Variants in KLHL31 observed in about 807,000 individuals in gnomAD.
KLHL31 encodes kelch-like protein 31.
Under a neutral mutation model 47.1 loss-of-function variants are expected in KLHL31, and 32 were observed. That is an observed-to-expected ratio of 0.68 (90% CI 0.51 to 0.91). KLHL31 has a LOEUF of 0.91. Ranked by LOEUF, KLHL31 falls within the 40% of genes least tolerant of loss-of-function variation. The pLI is 0.00. For missense variants in KLHL31, 797 were observed against 819.3 expected (o/e 0.97, Z 0.33); for synonymous variants, 330 against 325.1 (o/e 1.01, Z -0.16).
chr6:53,650,097 G>A lies in KLHL31; in HGVS notation c.*1501C>T, dbSNP rs1311254455. 6.6e-6 allele frequency: 1 copy of A among 152,128 alleles called. No individual in the cohort carries two copies. The allele number at this position is 152,128 out of a possible 1,614,324, so 9.4% of individuals were successfully genotyped here. On this transcript the variant is annotated 3_prime_UTR_variant, in exon 3 of 3. Transcript: ENST00000370905. The stretch of plus-strand genomic sequence containing the variant: ...CAATAACCTATCTACACAAGGTGGA[G>A]AGGATGAGATTAACAAAAACCAAAT...
chr6:53,651,300 C>A lies in KLHL31; in HGVS notation c.*298G>T. ...GTGTAACCGCTATACATTTAGGAAA[C>A]ATGCCGCCTTGGGAGAGTGCCTATA... On this transcript the variant is annotated 3_prime_UTR_variant, in exon 3 of 3. Coordinates refer to ENST00000370905, the MANE Select transcript of KLHL31 (RefSeq NM_001003760.5). 3.8e-6 allele frequency: 1 copy of A among 262,382 alleles called. No individual in the cohort carries two copies. Among genetic ancestry groups the A allele is most frequent in the Non-Finnish European group, 7.1e-6 (1 of 140,210 alleles). The allele number at this position is 262,382 out of a possible 1,614,324, so 16.3% of individuals were successfully genotyped here. A position where few individuals can be genotyped will look rare whatever the true frequency, so the allele number is the denominator to read the frequency against.
chr6:53,654,577 T>C lies in KLHL31; in HGVS notation c.696A>G (p.Val232=). 1 of 1,613,706 alleles carries C rather than the reference T, an allele frequency of 6.2e-7. No individual in the cohort carries two copies. The highest frequency in any genetic ancestry group is 8.5e-7 in the Non-Finnish European group (1 of 1,179,554). Residue 232 remains valine, a synonymous_variant, in exon 2 of 3, where the codon GTA becomes GTG. Coordinates refer to ENST00000370905, the MANE Select transcript of KLHL31 (RefSeq NM_001003760.5). Reference sequence around the variant, plus strand: ...ACCATTTCATTGCAATCTGGAATGCTACTATCTCAGAAGGCAACTGTAAGT... The same window carrying C: ...ACCATTTCATTGCAATCTGGAATGCCACTATCTCAGAAGGCAACTGTAAGT... ...DDDLQLPSEI[V]AFQIAMKWLE... is the part of the protein sequence containing the mutation.
chr6:53,656,959 G>T (rs1197754457), intron 1 of KLHL31, among the ~76,000 whole-genome samples: 1 of 85,720 alleles, frequency 1.2e-5, no homozygotes, highest in African/African-American at 3.7e-5. Context: ...TTGAGATCGG[G>T]TCTCATTCTA....
chr6:53,665,034 C>G (rs1764698900), intron 1 of KLHL31, among the ~76,000 whole-genome samples: 1 of 150,974 alleles, frequency 6.6e-6, no homozygotes, highest in African/African-American at 2.4e-5. Flanking sequence ...TATTTTTTAG[C>G]CAAATAACAA....
chr6:53,647,994 C>T lies in KLHL31; in HGVS notation c.*3604G>A, dbSNP rs1445208179. The T allele has an allele frequency of 6.6e-6, 1 of 152,496 alleles. No individual in the cohort carries two copies. Among genetic ancestry groups the T allele is most frequent in the Non-Finnish European group, 1.5e-5 (1 of 67,998 alleles). 9.4% of individuals were successfully genotyped at this position (152,496 alleles called of 1,614,324 possible). ...CTACATACATTTTAGTTTGTTGTTC[C>T]TTATATAGTACCAGAATGTTTTAAG... On this transcript the variant is annotated 3_prime_UTR_variant, in exon 3 of 3. Coordinates refer to ENST00000370905, the MANE Select transcript of KLHL31 (RefSeq NM_001003760.5).
In KLHL31 at chr6:53,654,764, T is replaced by C. The variant is rs771582390; in HGVS notation, c.509A>G (p.Glu170Gly). The C allele has an allele frequency of 1.7e-5, 27 of 1,614,070 alleles. No individual in the cohort carries two copies. The South Asian group carries it at 2.9e-4, about 17-fold the overall frequency. The stretch of plus-strand genomic sequence containing the variant: ...AATATTAACAACATACATGCAATTC[T>C]CAACACTCATCTCCCGTATCAGAAA... ...SDFLIREMSV[E>G]NCMYVVNIAE... is the part of the protein sequence containing the mutation. Residue 170 changes from glutamate to glycine, a missense_variant, in exon 2 of 3, where the codon GAG becomes GGG. Glu to Gly is a moderately conservative substitution (Grantham distance 98, BLOSUM62 -2). Coordinates refer to ENST00000370905, the MANE Select transcript of KLHL31 (RefSeq NM_001003760.5).
Position 53,649,500 on chromosome 6 carries a change from T to C in KLHL31, c.*2098A>G, listed in dbSNP as rs938286171. The C allele has an allele frequency of 3.3e-5, 5 of 152,210 alleles. No homozygotes were observed. The highest frequency in any genetic ancestry group is 2.0e-4 in the Admixed American group (3 of 15,288). The allele number at this position is 152,210 out of a possible 1,614,324, so 9.4% of individuals were successfully genotyped here. A position where few individuals can be genotyped will look rare whatever the true frequency, so the allele number is the denominator to read the frequency against. Reference sequence around the variant, plus strand: ...CTCTAGAAAGCCACTGCCAAGTTTTTGCACAACCTAATTTATCAAGCTTTG... The same window carrying C: ...CTCTAGAAAGCCACTGCCAAGTTTTCGCACAACCTAATTTATCAAGCTTTG... On this transcript the variant is annotated 3_prime_UTR_variant, in exon 3 of 3. Transcript: ENST00000370905.
rs1316189351 is a variant in KLHL31, at chr6:53,651,826, G to T, written c.1677C>A (p.Gly559=). The stretch of plus-strand genomic sequence containing the variant: ...AGGCGCGGCCATGCAGCGCCGAGAC[G>T]CCCGCAGTGCTCACTCCCACCTGCA... ...APLQVGVSTA[G]VSALHGRAYL... Residue 559 remains glycine, a synonymous_variant, in exon 3 of 3, where the codon GGC becomes GGA. Coordinates refer to ENST00000370905, the MANE Select transcript of KLHL31 (RefSeq NM_001003760.5). 6.2e-7 allele frequency: 1 copy of T among 1,610,254 alleles called. No homozygotes were observed.
At chr6:53,661,426 C>T (rs1323526554) in intron 1 of KLHL31, among the ~76,000 whole-genome samples, 2 of 152,142 alleles carry the variant, frequency 1.3e-5, no homozygotes, top group Non-Finnish European at 2.9e-5. Flanking sequence ...CCCAGACACA[C>T]AGCATGCCAC....
rs1323059749 is a variant in KLHL31 at position 53,652,023 on chromosome 6, G to C, written c.1480C>G (p.Gln494Glu). The C allele has an allele frequency of 1.3e-6, 2 of 1,591,256 alleles. No individual in the cohort carries two copies. The highest frequency in any genetic ancestry group is 2.2e-5 in the South Asian group (2 of 89,700). ...GGTGTGCTGAGGTTCGGCAGCTCCT[G>C]CCACGAGTCGCTGGCCGGGTCGTAG... is the stretch of plus-strand genomic sequence containing the variant. Reference protein sequence around the residue: ...CAYDPASDSWQELPNLSTPRG... With the variant: ...CAYDPASDSWEELPNLSTPRG... Residue 494 changes from glutamine (Q) to glutamate (E), a missense_variant, in exon 3 of 3, where the codon CAG becomes GAG. By Grantham distance (29) the Gln-to-Glu change is conservative. Coordinates refer to ENST00000370905, the MANE Select transcript of KLHL31 (RefSeq NM_001003760.5).
chr6:53,653,274 A>G (rs2127368025), intron 2 of KLHL31, among the ~76,000 whole-genome samples: 1 of 152,354 alleles, frequency 6.6e-6, no homozygotes, highest in Middle Eastern at 3.4e-3. Flanking sequence ...GTTACAAATT[A>G]AACACTAAAA....
At chr6:53,662,305 A>T (rs1465133691) in intron 1 of KLHL31, among the ~76,000 whole-genome samples, 2 of 152,110 alleles carry the variant, frequency 1.3e-5, no homozygotes, top group Non-Finnish European at 2.9e-5. Flanking sequence ...AGAACTTTAC[A>T]AGCTTCCGCC....
chr6:53,656,150 A>AT (rs34955765), intron 1 of KLHL31, among the ~76,000 whole-genome samples: 76,059 of 151,996 alleles, frequency 0.5, 21,186 homozygotes, highest in Admixed American at 0.61. Flanking sequence ...TGAGACACAT[A>AT]TAAGTACTAT....
At chr6:53,657,990 T>C (rs1279690494) in intron 1 of KLHL31, among the ~76,000 whole-genome samples, 1 of 152,232 alleles carries the variant, frequency 6.6e-6, no homozygotes, top group Non-Finnish European at 1.5e-5. Context: ...AAATAGATTA[T>C]GAACCCTCTA....
intron 1 of KLHL31, among the ~76,000 whole-genome samples, chr6:53,659,871 C>G (rs1383977074): frequency 2.0e-5 from 3 of 152,168 alleles, no homozygotes; most frequent in Admixed American, 6.5e-5. Flanking sequence ...TTTTCTTTCT[C>G]TTACTTCCTA....
chr6:53,651,881 G>C lies in KLHL31; in HGVS notation c.1622C>G (p.Ala541Gly), dbSNP rs775537303. The C allele has an allele frequency of 6.3e-6, 10 of 1,596,734 alleles. No homozygotes were observed. The highest frequency in any genetic ancestry group is 1.7e-5 in the Admixed American group (1 of 59,178). ...DVLTVECYSPATGQWSYAAPL... is the reference protein window; with the variant it reads ...DVLTVECYSPGTGQWSYAAPL... ...CGCCGCGTAGCTCCACTGGCCGGTCGCGGGGCTGTAGCACTCCACGGTGAG... is the reference window on the plus strand; with the variant it reads ...CGCCGCGTAGCTCCACTGGCCGGTCCCGGGGCTGTAGCACTCCACGGTGAG... Residue 541 changes from alanine (A) to glycine (G), a missense_variant, in exon 3 of 3, where the codon GCG (alanine) becomes GGG (glycine). Physicochemically the swap from Ala to Gly is moderately conservative, Grantham distance 60. Transcript: ENST00000370905.
chr6:53,664,188 T>C (rs1235699733), intron 1 of KLHL31, among the ~76,000 whole-genome samples: 1 of 152,230 alleles, frequency 6.6e-6, no homozygotes, highest in Non-Finnish European at 1.5e-5. Flanking sequence ...CAAGTTGCAT[T>C]TGCATTTCAG....
At position 53,655,253 on chromosome 6, in the gene KLHL31, ATCT is replaced by A. The variant is rs772109303; in HGVS notation, c.17_19del (p.Lys6del). On this transcript the variant is annotated inframe_deletion, in exon 2 of 3. Transcript: ENST00000370905. ...GATATCTCCTTTGTTCTTTTTGACAATCTTCTTTTTGGGTGCCATGTTGGCAAA... is the reference window on the plus strand; with the variant it reads ...GATATCTCCTTTGTTCTTTTTGACAATCTTTTTGGGTGCCATGTTGGCAAA... 2 of 1,568,994 alleles carry A rather than the reference ATCT, an allele frequency of 1.3e-6. No homozygotes were observed. Among genetic ancestry groups the A allele is most frequent in the South Asian group, 1.2e-5 (1 of 83,700 alleles).
In KLHL31 at chr6:53,648,901, A is replaced by G. The variant is rs917091584; in HGVS notation, c.*2697T>C. 6.6e-6 allele frequency: 1 copy of G among 152,206 alleles called. No individual in the cohort carries two copies. Among genetic ancestry groups the G allele is most frequent in the Non-Finnish European group, 1.5e-5 (1 of 68,022 alleles). The allele number at this position is 152,206 out of a possible 1,614,324, so 9.4% of individuals were successfully genotyped here. A position where few individuals can be genotyped will look rare whatever the true frequency, so the allele number is the denominator to read the frequency against. ...TTTATTATTTCAGTTGCTGGGTAAC[A>G]TGCAATTTCCCTGATATATTGAACT... is the stretch of plus-strand genomic sequence containing the variant. On this transcript the variant is annotated 3_prime_UTR_variant, in exon 3 of 3. Transcript: ENST00000370905.
Sources: gnomAD v4.1 joint callset for allele counts (sites outside exome capture counted in the v4.1 genomes callset) on GRCh38, gnomAD v4.1.1 for gene constraint, MANE v1.5 for transcripts, NCBI Gene and HGNC (gene_info 2026-07-23, HGNC 2026-07-21) for gene names.